Variants in GRAP2 observed in about 807,000 individuals in gnomAD.
GRAP2 encodes the protein GRB2 related adaptor protein 2.
GRAP2 carries 31 observed loss-of-function variants against 43.5 expected under a neutral mutation model. The ratio of observed to expected loss-of-function variants is 0.71; its 90% CI spans 0.54 to 0.96. GRAP2 has a LOEUF of 0.96. Ranked by LOEUF, GRAP2 falls within the 40% of genes least tolerant of loss-of-function variation. The pLI, the probability that GRAP2 is intolerant of heterozygous loss-of-function variation, is 0.00. For missense variants in GRAP2, 371 were observed against 424.4 expected, an observed-to-expected ratio of 0.87 and a Z score of 1.11; for synonymous variants, 156 against 164.8, an observed-to-expected ratio of 0.95 and a Z score of 0.41.
intron 3 of GRAP2, among the ~76,000 whole-genome samples, chr22:39,958,034 C>A (rs1051461186): frequency 2.6e-5 from 4 of 152,148 alleles, no homozygotes; most frequent in Non-Finnish European, 5.9e-5. Flanking sequence ...GGAGTGTGTG[C>A]ATTTGCTACT....
chr22:39,924,883 A>G (rs938541970), intron 1 of GRAP2, among the ~76,000 whole-genome samples: 6 of 152,346 alleles, frequency 3.9e-5, no homozygotes, highest in Admixed American at 3.9e-4. Context: ...ATAGTCACCA[A>G]TGAACAACAT....
chr22:39,945,401 C>T (rs1415563102), intron 1 of GRAP2, among the ~76,000 whole-genome samples: 3 of 152,200 alleles, frequency 2.0e-5, no homozygotes, highest in African/African-American at 4.8e-5. Context: ...CTGTTGCAGT[C>T]GGCTTTAATC....
At chr22:39,941,989 CAA>C (rs1225775196) in intron 1 of GRAP2, among the ~76,000 whole-genome samples, 2 of 151,964 alleles carry the variant, frequency 1.3e-5, no homozygotes, top group African/African-American at 4.8e-5. Context: ...TTTTAAGACT[CAA>C]TGCATGAAAA....
intron 1 of GRAP2, among the ~76,000 whole-genome samples, chr22:39,939,769 C>T (rs772771070): frequency 3.3e-5 from 5 of 151,870 alleles, no homozygotes; most frequent in South Asian, 2.1e-4. Flanking sequence ...ATTAGCGGAC[C>T]GTGGTGGGCT....
chr22:39,947,059 G>A, intron 1 of GRAP2, 34 bp from the exon 2 acceptor site: 1 of 1,231,974 alleles, frequency 8.1e-7, no homozygotes, highest in Non-Finnish European at 1.2e-6. Context: ...CCCCCTGGCA[G>A]AGAGGCACAA....
chr22:39,896,322 A>G (rs1237274611), upstream of GRAP2, among the ~76,000 whole-genome samples: 1 of 152,232 alleles, frequency 6.6e-6, no homozygotes, highest in Non-Finnish European at 1.5e-5. Context: ...GTTAAAGTGT[A>G]GCAGTTATGG....
At chr22:39,931,181 A>G (rs1438428386) in intron 1 of GRAP2, among the ~76,000 whole-genome samples, 1 of 152,216 alleles carries the variant, frequency 6.6e-6, no homozygotes, top group East Asian at 1.9e-4. Flanking sequence ...CACAAAGCAT[A>G]TGGATACTCC....
intron 1 of GRAP2, among the ~76,000 whole-genome samples, chr22:39,924,842 G>A (rs1010099857): frequency 1.8e-4 from 27 of 152,240 alleles, no homozygotes; most frequent in Non-Finnish European, 8.8e-5. Flanking sequence ...GGTAGCTGGA[G>A]AAGTAAAACT....
chr22:39,919,968 G>A (rs977151687), intron 1 of GRAP2, among the ~76,000 whole-genome samples: 37 of 152,266 alleles, frequency 2.4e-4, no homozygotes, highest in Non-Finnish European at 4.9e-4. Flanking sequence ...GAGATTATAC[G>A]AACTCCTAAA....
chr22:39,943,329 TA>T (rs2066889240), intron 1 of GRAP2, among the ~76,000 whole-genome samples: 1 of 152,146 alleles, frequency 6.6e-6, no homozygotes, highest in African/African-American at 2.4e-5. Flanking sequence ...TTTTTGGTAG[TA>T]AAAGAAGCTC....
intron 4 of GRAP2, chr22:39,964,738 T>G (rs2067155217): frequency 2.2e-6 from 1 of 446,792 alleles, no homozygotes; most frequent in Admixed American, 4.1e-5. Flanking sequence ...AAAAAAATCT[T>G]CCAGTGGCTC....
chr22:39,925,104 C>G (rs1453795565), intron 1 of GRAP2, among the ~76,000 whole-genome samples: 1 of 152,102 alleles, frequency 6.6e-6, no homozygotes. Flanking sequence ...CCATGCCACT[C>G]TAAGGACTTT....
At chr22:39,921,188 G>A (rs1394029111) in intron 1 of GRAP2, among the ~76,000 whole-genome samples, 4 of 152,102 alleles carry the variant, frequency 2.6e-5, no homozygotes, top group South Asian at 4.1e-4. Flanking sequence ...CTTAGAAGTC[G>A]GACCAAAACC....
intron 1 of GRAP2, among the ~76,000 whole-genome samples, chr22:39,909,017 G>A (rs1371389624): frequency 2.0e-5 from 3 of 152,138 alleles, no homozygotes; most frequent in South Asian, 4.1e-4. Flanking sequence ...GTGAAATTAT[G>A]CCATTCTTTA....
upstream of GRAP2, among the ~76,000 whole-genome samples, chr22:39,897,194 C>T (rs557949487): frequency 9.9e-5 from 15 of 152,276 alleles, no homozygotes; most frequent in Admixed American, 7.8e-4. Flanking sequence ...TTCTCTCCCA[C>T]GGTCTCTCCT....
In GRAP2 at chr22:39,973,240, G is replaced by T. The variant is rs2067263118; in HGVS notation, c.*2156G>T. 6.6e-6 allele frequency: 1 copy of T among 152,298 alleles called. No individual in the cohort carries two copies. The highest frequency in any genetic ancestry group is 2.4e-5 in the African/African-American group (1 of 41,456). 9.4% of individuals were successfully genotyped at this position (152,298 alleles called of 1,614,324 possible). ...GTTGTCTGATGATGTGGGAGGACCA[G>T]CTCTAGTTAGACGGAGGTATGTGAT... is the stretch of plus-strand genomic sequence containing the variant. On this transcript the variant is annotated 3_prime_UTR_variant, in exon 8 of 8. Coordinates refer to ENST00000344138, the MANE Select transcript of GRAP2 (RefSeq NM_004810.4).
intron 2 of GRAP2, among the ~76,000 whole-genome samples, chr22:39,952,387 G>A (rs1349015697): frequency 2.0e-5 from 3 of 152,134 alleles, no homozygotes; most frequent in Non-Finnish European, 2.9e-5. Context: ...ACCCCTTTCT[G>A]TGTGACATTT....
At chr22:39,926,484 GAA>G (rs918651851) in intron 1 of GRAP2, 1,318 of 239,298 alleles carry the variant, frequency 5.5e-3, no homozygotes, top group South Asian at 7.0e-3. Context: ...CCCAACAAAA[GAA>G]AAAAAAAAAA....
chr22:39,904,395 G>A (rs1397270419), intron 1 of GRAP2, among the ~76,000 whole-genome samples: 15 of 151,226 alleles, frequency 9.9e-5, no homozygotes, highest in Admixed American at 1.3e-4. Context: ...CTCAAAAAGA[G>A]GAAAAAAGAA....
Sources: allele counts gnomAD v4.1 joint callset (sites outside exome capture counted in the v4.1 genomes callset), GRCh38; gene constraint gnomAD v4.1.1; transcripts MANE v1.5; gene names NCBI Gene and HGNC (gene_info 2026-07-23, HGNC 2026-07-21).